Variants in CDH8 observed in about 807,000 individuals in gnomAD.
CDH8 encodes the protein cadherin 8.
CDH8 carries 17 observed loss-of-function variants against 68.1 expected under a neutral mutation model. That is an observed-to-expected ratio of 0.25 (90% CI 0.17 to 0.37). The LOEUF is 0.37. CDH8 is among the 10% of genes least tolerant of loss of function. The pLI, the probability that CDH8 is intolerant of heterozygous loss-of-function variation, is 1.00. For synonymous variants in CDH8, 372 were observed against 365.1 expected (o/e 1.02, Z -0.21); for missense variants, 763 against 999.3 (o/e 0.76, Z 3.19).
chr16:61,745,316 A>G (rs1480390581), intron 8 of CDH8, among the ~76,000 whole-genome samples: 1 of 151,728 alleles, frequency 6.6e-6, no homozygotes, highest in East Asian at 1.9e-4. Flanking sequence ...CAATGTTACT[A>G]TGATGTGTCC....
At chr16:61,768,815 A>G (rs1960704231) in intron 8 of CDH8, among the ~76,000 whole-genome samples, 1 of 151,864 alleles carries the variant, frequency 6.6e-6, no homozygotes, top group Non-Finnish European at 1.5e-5. Flanking sequence ...ATATATTAAC[A>G]GTAACAATCC....
At chr16:61,892,384 A>T (rs1963793930) in intron 3 of CDH8, among the ~76,000 whole-genome samples, 1 of 152,196 alleles carries the variant, frequency 6.6e-6, no homozygotes, top group Non-Finnish European at 1.5e-5. Context: ...TTTCCAAAAG[A>T]GCATACAATA....
At position 62,014,596 on chromosome 16, in the gene CDH8, G is replaced by A. The variant is rs570993624; in HGVS notation, c.252+6556C>T. Among the ~76,000 whole-genome samples the A allele has an allele frequency of 1.6e-4, 24 of 152,272 alleles. No individual in the cohort carries two copies. The East Asian group carries it at 2.7e-3, about 17-fold the overall frequency. ...AATTTTCTCACCCGTCGCAGACACC[G>A]TAAACTGTAATATAGTGTAATTATT... On this transcript the variant is annotated intron_variant, in intron 2 of 11. Transcript: ENST00000577390.
At chr16:61,982,609 TAAC>T (rs1965557136) in intron 2 of CDH8, among the ~76,000 whole-genome samples, 1 of 152,220 alleles carries the variant, frequency 6.6e-6, no homozygotes, top group Non-Finnish European at 1.5e-5. Flanking sequence ...GTTATAAAGA[TAAC>T]AATGTGTTAA....
chr16:61,928,022 G>T (rs1964483360), intron 2 of CDH8, among the ~76,000 whole-genome samples: 1 of 152,126 alleles, frequency 6.6e-6, no homozygotes, highest in South Asian at 2.1e-4. Context: ...GCATGCAATA[G>T]TTGCACTTTT....
intron 4 of CDH8, among the ~76,000 whole-genome samples, chr16:61,836,001 C>T (rs1962560032): frequency 6.6e-6 from 1 of 151,838 alleles, no homozygotes; most frequent in Non-Finnish European, 1.5e-5. Flanking sequence ...CATAGAAATA[C>T]CCACCTGAGA....
At chr16:61,883,769 T>A (rs1963621309) in intron 3 of CDH8, among the ~76,000 whole-genome samples, 1 of 151,520 alleles carries the variant, frequency 6.6e-6, no homozygotes, top group East Asian at 1.9e-4. Context: ...CTCGAGAGAG[T>A]GAACTCTTAA....
chr16:62,025,118 T>C (rs1199100079), intron 1 of CDH8, among the ~76,000 whole-genome samples: 1 of 152,166 alleles, frequency 6.6e-6, no homozygotes, highest in Non-Finnish European at 1.5e-5. Context: ...CATTTAAATG[T>C]CGAAATAGAA....
intron 8 of CDH8, among the ~76,000 whole-genome samples, chr16:61,770,716 C>G (rs1960755447): frequency 6.6e-6 from 1 of 151,964 alleles, no homozygotes; most frequent in South Asian, 2.1e-4. Context: ...TCATACAGAA[C>G]TCATTTCTTC....
intron 2 of CDH8, among the ~76,000 whole-genome samples, chr16:61,960,151 ATGTG>A (rs780297918): frequency 5.8e-5 from 3 of 51,830 alleles, no homozygotes; most frequent in Admixed American, 1.7e-4. Context: ...ATATATACAT[ATGTG>A]TGTGTGTATA....
chr16:61,824,414 G>C (rs1962284398), intron 5 of CDH8, among the ~76,000 whole-genome samples: 1 of 151,822 alleles, frequency 6.6e-6, no homozygotes, highest in South Asian at 2.1e-4. Context: ...TTGAATAAAT[G>C]CTCAGAAGAA....
chr16:61,710,895 T>C (rs1345712051), intron 10 of CDH8: 2 of 152,008 alleles, frequency 1.3e-5, no homozygotes, highest in Non-Finnish European at 2.9e-5. Context: ...TCCATTTCCA[T>C]GGTTAAAATT....
chr16:61,923,439 A>G lies in CDH8; in HGVS notation c.253-21966T>C, dbSNP rs1427093890. ...ATTAATAACCAATACAAGTAGCAGC[A>G]TAACGTTTGGGAAAAAATTATAGGG... On this transcript the variant is annotated intron_variant, in intron 2 of 11. Transcript: ENST00000577390. Among the ~76,000 whole-genome samples, 3 of 152,232 alleles carry G rather than the reference A, an allele frequency of 2.0e-5. No homozygotes were observed. In the South Asian group the frequency reaches 6.2e-4, roughly 32 times the overall value.
chr16:61,776,893 AC>A (rs1294979048), intron 8 of CDH8, among the ~76,000 whole-genome samples: 2 of 152,004 alleles, frequency 1.3e-5, no homozygotes, highest in African/African-American at 4.8e-5. Flanking sequence ...TGTACACCAA[AC>A]CCCCAGGACA....
chr16:61,840,955 A>C (rs1488292156), intron 4 of CDH8, among the ~76,000 whole-genome samples: 2 of 152,170 alleles, frequency 1.3e-5, no homozygotes, highest in Admixed American at 1.3e-4. Flanking sequence ...TTTTTTAAAA[A>C]ATAAAGAAAA....
chr16:61,895,478 C>T (rs180822579), intron 3 of CDH8, among the ~76,000 whole-genome samples: 51 of 152,216 alleles, frequency 3.4e-4, no homozygotes, highest in African/African-American at 1.2e-3. Context: ...TTAACACAGC[C>T]TCTGGCATAT....
chr16:61,867,115 A>G (rs2143022184), intron 3 of CDH8, among the ~76,000 whole-genome samples: 1 of 152,290 alleles, frequency 6.6e-6, no homozygotes, highest in South Asian at 2.1e-4. Context: ...GAGGAATGAG[A>G]GTCTTAGATG....
chr16:61,744,292 T>C (rs1959957534), intron 8 of CDH8, among the ~76,000 whole-genome samples: 1 of 152,150 alleles, frequency 6.6e-6, no homozygotes, highest in South Asian at 2.1e-4. Context: ...TTATAAGGTA[T>C]ATATGAATTT....
At chr16:61,782,138 C>T (rs539293406) in intron 8 of CDH8, among the ~76,000 whole-genome samples, 9 of 152,148 alleles carry the variant, frequency 5.9e-5, no homozygotes, top group Non-Finnish European at 1.3e-4. Context: ...GCGTGAGCGA[C>T]GCAGAAGACG....
Sources: gnomAD v4.1 joint callset for allele counts (sites outside exome capture counted in the v4.1 genomes callset) on GRCh38, gnomAD v4.1.1 for gene constraint, MANE v1.5 for transcripts, NCBI Gene and HGNC (gene_info 2026-07-23, HGNC 2026-07-21) for gene names.